CFAP74: variants seen among roughly 807,000 people sequenced by gnomAD.
CFAP74 encodes cilia- and flagella-associated protein 74.
Under a neutral mutation model 188.9 loss-of-function variants are expected in CFAP74, and 124 were observed. The observed-to-expected ratio is 0.66, with a 90% CI of 0.57 to 0.76. The LOEUF (loss-of-function observed/expected upper bound fraction) is 0.76, where lower values mean the gene tolerates loss of function less well. CFAP74 is among the 30% of genes least tolerant of loss of function. The pLI, the probability that CFAP74 is intolerant of heterozygous loss-of-function variation, is 0.00. For missense variants in CFAP74, 2,198 were observed against 2,165.2 expected, an observed-to-expected ratio of 1.02 and a Z score of -0.30; for synonymous variants, 956 against 916.7, an observed-to-expected ratio of 1.04 and a Z score of -0.77.
Position 1,922,388 on chromosome 1 carries a change from G to C in CFAP74, c.4819C>G (p.Pro1607Ala). 1 of 1,603,484 alleles carries C rather than the reference G, an allele frequency of 6.2e-7. No individual in the cohort carries two copies. The highest frequency in any genetic ancestry group is 8.5e-7 in the Non-Finnish European group (1 of 1,177,112). The change falls in exon 39 of 39, where the codon CCA (proline) becomes GCA (alanine). Residue 1607 changes from proline to alanine, a missense_variant and splice_region_variant. By Grantham distance (27) the Pro-to-Ala change is conservative. Transcript: ENST00000682832. Reference protein sequence around the residue: ...ISWVPPADFDPDHPLMVSALL... With the variant: ...ISWVPPADFDADHPLMVSALL... Reference sequence around the variant, plus strand: ...GCCGACACCATGAGTGGGTGGTCTGGCTGGAACAGGAGGGGAGGGGAGAAG... The same window carrying C: ...GCCGACACCATGAGTGGGTGGTCTGCCTGGAACAGGAGGGGAGGGGAGAAG...
At position 1,923,789 on chromosome 1, in the gene CFAP74, C is replaced by T. The variant is rs141836605; in HGVS notation, c.4375G>A (p.Val1459Met). The T allele has an allele frequency of 8.1e-6, 13 of 1,613,298 alleles. No homozygotes were observed. The African/African-American group carries it at 1.7e-4, about 22-fold the overall frequency. Residue 1459 changes from valine (V) to methionine (M), a missense_variant, in exon 35 of 39, where the codon GTG (valine) becomes ATG (methionine). Physicochemically the swap from Val to Met is conservative, Grantham distance 21 (BLOSUM62 1). Coordinates refer to ENST00000682832, the MANE Select transcript of CFAP74 (RefSeq NM_001304360.2). This position sits in a 1 kb window ranked among gnomAD's most constrained non-coding sequence, Gnocchi z 6.3. ...CAGAGCCGCACCTTTTCAAAGAGCA[C>T]CACCTGGAGCTTGTCGGAGAAGTAG... ...SLYFSDKLQV[V>M]LFEKKISHQI...
At chr1:1,957,861 G>A (rs1017621626) in intron 16 of CFAP74, among the ~76,000 whole-genome samples, 2 of 152,166 alleles carry the variant, frequency 1.3e-5, no homozygotes, top group Admixed American at 6.5e-5. Flanking sequence ...GCCGAGTGCC[G>A]GCCCAACCGT....
rs775864861 is a variant in CFAP74 at position 1,925,954 on chromosome 1, C to T, written c.3949-16G>A. On this transcript the variant is annotated splice_polypyrimidine_tract_variant and intron_variant, in intron 32 of 38. Coordinates refer to ENST00000682832, the MANE Select transcript of CFAP74 (RefSeq NM_001304360.2). The stretch of plus-strand genomic sequence containing the variant: ...TTTCTTGAGCCTAAAGAGACCACAT[C>T]GCTCAGCCAGGAACCGATGTCTGCT... 124 of 1,583,458 alleles carry T rather than the reference C, an allele frequency of 7.8e-5. No homozygotes were observed. Among genetic ancestry groups the T allele is most frequent in the Admixed American group, 2.5e-4 (14 of 55,048 alleles).
chr1:1,985,058 A>G, intron 6 of CFAP74: 1 of 268,414 alleles, frequency 3.7e-6, no homozygotes, highest in Non-Finnish European at 7.3e-6. Flanking sequence ...ACAGGAAAGC[A>G]TTTAGGACGA....
intron 9 of CFAP74, 129 bp from the exon 10 acceptor site, chr1:1,970,945 A>T (rs781532087): frequency 8.9e-7 from 1 of 1,122,524 alleles, no homozygotes; most frequent in Non-Finnish European, 1.3e-6. Context: ...ACACATGCAC[A>T]CCTGCACATG....
chr1:1,927,585 G>A (rs1652009554), intron 28 of CFAP74, 22 bp downstream of exon 28: 2 of 1,544,402 alleles, frequency 1.3e-6, no homozygotes, highest in Admixed American at 3.9e-5. Context: ...GAAGCAGGTG[G>A]GGCAGCCCCT....
chr1:1,924,812 CT>C (rs1302719240), intron 33 of CFAP74, among the ~76,000 whole-genome samples: 1 of 152,240 alleles, frequency 6.6e-6, no homozygotes, highest in Non-Finnish European at 1.5e-5. Flanking sequence ...TCAGGCCCAG[CT>C]TAGCTGAACC....
At chr1:1,978,497 G>T (rs1656591502) in intron 6 of CFAP74, among the ~76,000 whole-genome samples, 1 of 152,198 alleles carries the variant, frequency 6.6e-6, no homozygotes, top group South Asian at 2.1e-4. Flanking sequence ...CCCCACTCAA[G>T]TCCAGTTTAT....
At position 1,964,873 on chromosome 1, in the gene CFAP74, C is replaced by T. The variant is rs144577766; in HGVS notation, c.1575+15G>A. On this transcript the variant is annotated intron_variant, in intron 13 of 38. Coordinates refer to ENST00000682832, the MANE Select transcript of CFAP74 (RefSeq NM_001304360.2). ...GCTGCTGCCCGTCCCGTTCCTGGCCCAGCTGCGGGCTCACCTGGAAGTGGA... is the reference window on the plus strand; with the variant it reads ...GCTGCTGCCCGTCCCGTTCCTGGCCTAGCTGCGGGCTCACCTGGAAGTGGA... 903 of 1,613,312 alleles carry T rather than the reference C, an allele frequency of 5.6e-4. 3 individuals carry two copies. The African/African-American group carries it at 0.011, about 19-fold the overall frequency.
Position 1,971,389 on chromosome 1 carries a change from GTGCACACACGGTCACACATGCACACA to G in CFAP74, c.888+565_889-574del, listed in dbSNP as rs370500666. Among the ~76,000 whole-genome samples, 148 of 149,742 alleles carry G rather than the reference GTGCACACACGGTCACACATGCACACA, an allele frequency of 9.9e-4. 1 individual carries two copies. The highest frequency in any genetic ancestry group is 3.4e-3 in the African/African-American group (134 of 39,902). ...CACACACGGTCACACATGCACACAC[GTGCACACACGGTCACACATGCACACA>G]TGCACACACACATGCAAACGTGCAC... On this transcript the variant is annotated intron_variant, in intron 9 of 38. Transcript: ENST00000682832.
At chr1:1,997,051 G>A (rs1657954425) in intron 1 of CFAP74, among the ~76,000 whole-genome samples, 1 of 151,894 alleles carries the variant, frequency 6.6e-6, no homozygotes, top group Non-Finnish European at 1.5e-5. Flanking sequence ...CCTTAAGACC[G>A]AGAACAAAAC....
At chr1:1,991,064 G>T in intron 1 of CFAP74, 89 bp from the exon 2 acceptor site, 718 of 768,960 alleles carry the variant, frequency 9.3e-4, no homozygotes, top group East Asian at 1.7e-3. Context: ...AAGGCATTAA[G>T]AAAACAAACG....
intron 6 of CFAP74, among the ~76,000 whole-genome samples, chr1:1,977,965 T>C (rs1306911229): frequency 6.6e-6 from 1 of 152,182 alleles, no homozygotes; most frequent in Non-Finnish European, 1.5e-5. Flanking sequence ...CACCTCAGCC[T>C]GTAATCTTGA....
chr1:1,989,107 A>G (rs1210379176), intron 2 of CFAP74, 134 bp from the exon 3 acceptor site: 9 of 459,430 alleles, frequency 2.0e-5, no homozygotes, highest in Admixed American at 1.7e-4. Flanking sequence ...ACACAAGCAC[A>G]GGCAGAGGTA....
At chr1:1,986,564 G>A (rs75821626) in intron 5 of CFAP74, among the ~76,000 whole-genome samples, 6,244 of 152,326 alleles carry the variant, frequency 0.041, 189 homozygotes, top group Non-Finnish European at 0.059. Context: ...AGCAATGCCT[G>A]TTGGTGAGTG....
rs1343718190 is a variant in CFAP74 at position 1,940,357 on chromosome 1, G to A, written c.2662C>T (p.Arg888Ter). The A allele has an allele frequency of 5.9e-6, 9 of 1,535,620 alleles. No homozygotes were observed. Among genetic ancestry groups the A allele is most frequent in the South Asian group, 4.8e-5 (4 of 84,038 alleles). Reference protein sequence around the residue: ...DAGRYFDKETRVLEAPMTIWV... With the variant: ...DAGRYFDKET ...ATGGTCATCGGGGCCTCCAGGACTC[G>A]GGTCTCCTTGTCAAAATACCTCCCT... is the stretch of plus-strand genomic sequence containing the variant. The change falls in exon 23 of 39, where the codon CGA becomes TGA. Residue 888 changes from arginine (R) to a stop codon, truncating the protein, a stop_gained. Transcript: ENST00000682832. LOFTEE classifies it high-confidence loss of function.
rs370745476 is a variant in CFAP74, at chr1:1,990,911, C to T, written c.46G>A (p.Asp16Asn). 1.7e-5 allele frequency: 28 copies of T among 1,612,416 alleles called. No homozygotes were observed. Among genetic ancestry groups the T allele is most frequent in the African/African-American group, 1.5e-4 (11 of 74,870 alleles). The change falls in exon 2 of 39, where the codon GAT becomes AAT. Residue 16 changes from aspartate to asparagine, a missense_variant. Physicochemically the swap from Asp to Asn is conservative, Grantham distance 23 (BLOSUM62 1). Coordinates refer to ENST00000682832, the MANE Select transcript of CFAP74 (RefSeq NM_001304360.2). ...SLLPEDELLA[D>N]ALLLEDERDE... The stretch of plus-strand genomic sequence containing the variant: ...TTACCATCTTCCAAAAGAAGGGCAT[C>T]GGCCAAAAGCTCGTCCTCAGGGAGC...
chr1:1,925,370 G>A (rs914894482), intron 33 of CFAP74, among the ~76,000 whole-genome samples: 3 of 150,572 alleles, frequency 2.0e-5, no homozygotes, highest in Non-Finnish European at 3.0e-5. Flanking sequence ...AGGGCAGTGC[G>A]AGGCATGAGA....
Position 1,966,472 on chromosome 1 carries a change from T to A in CFAP74, c.1300A>T (p.Ser434Cys), listed in dbSNP as rs1655480087. Residue 434 changes from serine (S) to cysteine (C), a missense_variant, in exon 12 of 39, where the codon AGT becomes TGT. By Grantham distance (112) the Ser-to-Cys change is moderately radical (BLOSUM62 -1). Transcript: ENST00000682832. ...CCGGGGTCCCCCTGGATAAGCTCAC[T>A]GGAAACGACTTCCAGCAACCGAGAG... ...GPSRLLEVVS[S>C]ELIQGDPGAS... is the part of the protein sequence containing the mutation. The A allele has an allele frequency of 6.2e-7, 1 of 1,602,648 alleles. No individual in the cohort carries two copies. The highest frequency in any genetic ancestry group is 8.5e-7 in the Non-Finnish European group (1 of 1,173,148).
Sources: gnomAD v4.1 joint callset for allele counts (sites outside exome capture counted in the v4.1 genomes callset) on GRCh38, gnomAD v4.1.1 for gene constraint, Gnocchi (gnomAD v3.1) non-coding constraint, MANE v1.5 for transcripts, NCBI Gene and HGNC (gene_info 2026-07-23, HGNC 2026-07-21) for gene names.